MARCHF1: variants seen among roughly 807,000 people sequenced by gnomAD.
MARCHF1 encodes the protein E3 ubiquitin-protein ligase MARCHF1.
MARCHF1 carries 40 observed loss-of-function variants against 54.2 expected under a neutral mutation model. That is an observed-to-expected ratio of 0.74 (90% CI 0.57 to 0.96). The LOEUF is 0.96. MARCHF1 is among the 40% of genes least tolerant of loss of function. MARCHF1 has a pLI of 0.00. For missense variants in MARCHF1, 586 were observed against 656.5 expected, an observed-to-expected ratio of 0.89 and a Z score of 1.17; for synonymous variants, 236 against 236.3, an observed-to-expected ratio of 1.00 and a Z score of 0.01.
chr4:164,177,814 C>G lies in MARCHF1; in HGVS notation c.-322-66152G>C, dbSNP rs1004456487. Among the ~76,000 whole-genome samples, 48 of 150,222 alleles carry G rather than the reference C, an allele frequency of 3.2e-4. No homozygotes were observed. In the South Asian group the frequency reaches 6.5e-3, roughly 20 times the overall value. On this transcript the variant is annotated intron_variant, in intron 1 of 9. Coordinates refer to ENST00000514618, the MANE Select transcript of MARCHF1 (RefSeq NM_001394959.1). ...AGTGTGTGTATGAAAGAGACACACA[C>G]ACACACACACACACACACAGAGAGA... is the stretch of plus-strand genomic sequence containing the variant.
intron 3 of MARCHF1, among the ~76,000 whole-genome samples, chr4:163,864,547 TTAA>T (rs893022521): frequency 6.6e-5 from 10 of 152,018 alleles, no homozygotes. Flanking sequence ...TGCACTTTGG[TTAA>T]TAATAACATA....
At chr4:164,321,156 CAAAT>C (rs1735134232) in intron 1 of MARCHF1, among the ~76,000 whole-genome samples, 1 of 152,088 alleles carries the variant, frequency 6.6e-6, no homozygotes, top group Non-Finnish European at 1.5e-5. Context: ...AAAGTCAAAA[CAAAT>C]AAACACATGC....
intron 1 of MARCHF1, among the ~76,000 whole-genome samples, chr4:164,312,316 T>C: frequency 1.6e-5 from 2 of 125,710 alleles, no homozygotes; most frequent in African/African-American, 5.8e-5. Flanking sequence ...TTATTTTCTT[T>C]TTCTTTTTTT....
intron 2 of MARCHF1, among the ~76,000 whole-genome samples, chr4:164,019,040 T>C (rs1369816561): frequency 6.6e-6 from 1 of 152,228 alleles, no homozygotes; most frequent in Non-Finnish European, 1.5e-5. Flanking sequence ...CTCTGTATCC[T>C]GGGGCTGATT....
At chr4:163,576,949 G>A (rs192402644) in intron 8 of MARCHF1, among the ~76,000 whole-genome samples, 33 of 151,934 alleles carry the variant, frequency 2.2e-4, no homozygotes, top group East Asian at 1.9e-3. Flanking sequence ...TATGTATGTC[G>A]TTACATGTGA....
intron 1 of MARCHF1, among the ~76,000 whole-genome samples, chr4:164,187,296 T>C (rs566583706): frequency 8.5e-5 from 13 of 152,238 alleles, no homozygotes; most frequent in African/African-American, 3.1e-4. Context: ...TCCAGGGTGA[T>C]AGAGAAAGGG....
At chr4:163,806,614 C>T (rs1748231309) in intron 4 of MARCHF1, among the ~76,000 whole-genome samples, 1 of 152,158 alleles carries the variant, frequency 6.6e-6, no homozygotes, top group Non-Finnish European at 1.5e-5. Context: ...GAGGGGTTTA[C>T]TTTCAGGTGG....
intron 1 of MARCHF1, among the ~76,000 whole-genome samples, chr4:164,285,058 G>C (rs185342317): frequency 3.6e-4 from 51 of 142,824 alleles, no homozygotes; most frequent in African/African-American, 1.3e-3. Context: ...TAGGTGTTAA[G>C]TGTAGAAATA....
intron 1 of MARCHF1, among the ~76,000 whole-genome samples, chr4:164,328,739 A>G (rs1735349545): frequency 6.6e-6 from 1 of 152,198 alleles, no homozygotes; most frequent in African/African-American, 2.4e-5. Context: ...CATGTTGCCC[A>G]GGCTGGTCTT....
At chr4:163,639,796 G>A (rs1406038489) in intron 5 of MARCHF1, among the ~76,000 whole-genome samples, 1 of 152,116 alleles carries the variant, frequency 6.6e-6, no homozygotes, top group South Asian at 2.1e-4. Context: ...TAAGGAGGAG[G>A]AGTAAGGACA....
In MARCHF1 at chr4:164,098,613, T is replaced by C. The variant is rs369751709; in HGVS notation, c.-248+12975A>G. ...GATTTGTGTGTCACAACGAAAGTGA[T>C]AGAGCAGCATCACCAATAAATTGGT... On this transcript the variant is annotated intron_variant, in intron 2 of 9. Transcript: ENST00000514618. Among the ~76,000 whole-genome samples, 22 of 152,350 alleles carry C rather than the reference T, an allele frequency of 1.4e-4. 1 individual carries two copies. Among genetic ancestry groups the C allele is most frequent in the East Asian group, 1.4e-3 (7 of 5,184 alleles).
chr4:163,923,426 C>T (rs1385004627), intron 3 of MARCHF1, among the ~76,000 whole-genome samples: 3 of 151,942 alleles, frequency 2.0e-5, no homozygotes, highest in Admixed American at 6.6e-5. Flanking sequence ...AAATAAACTT[C>T]GTTTTCTGTA....
chr4:163,574,209 A>G (rs1269145695), intron 8 of MARCHF1, among the ~76,000 whole-genome samples: 1 of 152,082 alleles, frequency 6.6e-6, no homozygotes, highest in Admixed American at 6.5e-5. Flanking sequence ...GATTCTGGAT[A>G]TTAGCCCTTT....
chr4:163,535,091 C>T (rs1738484188), intron 9 of MARCHF1, among the ~76,000 whole-genome samples: 1 of 151,976 alleles, frequency 6.6e-6, no homozygotes, highest in South Asian at 2.1e-4. Context: ...ACTTTGACAG[C>T]ACTAGTTCCT....
intron 4 of MARCHF1, among the ~76,000 whole-genome samples, chr4:163,762,527 A>G (rs543713515): frequency 1.4e-4 from 21 of 152,258 alleles, no homozygotes; most frequent in Admixed American, 6.5e-4. Context: ...GTGTACACAA[A>G]GAGTTATGTA....
chr4:164,293,370 A>T (rs1163931248), intron 1 of MARCHF1, among the ~76,000 whole-genome samples: 2 of 152,190 alleles, frequency 1.3e-5, no homozygotes, highest in Admixed American at 1.3e-4. Context: ...TCACAAACCC[A>T]TTCCCAAATA....
chr4:164,263,610 TTAA>T (rs1207280034), intron 1 of MARCHF1, among the ~76,000 whole-genome samples: 11 of 139,314 alleles, frequency 7.9e-5, no homozygotes, highest in East Asian at 2.3e-4. Flanking sequence ...GCAGCTCAAC[TTAA>T]TAATAAAAAC....
At chr4:164,243,493 C>A (rs1190811534) in intron 1 of MARCHF1, among the ~76,000 whole-genome samples, 2 of 152,134 alleles carry the variant, frequency 1.3e-5, no homozygotes, top group Non-Finnish European at 2.9e-5. Context: ...GTACCAGCCG[C>A]TGCAAAATCA....
At chr4:163,741,415 T>A (rs1746191672) in intron 4 of MARCHF1, among the ~76,000 whole-genome samples, 1 of 151,632 alleles carries the variant, frequency 6.6e-6, no homozygotes, top group Non-Finnish European at 1.5e-5. Context: ...TGAAACCCCA[T>A]CTCTACCAAA....
Sources: allele counts gnomAD v4.1 joint callset (sites outside exome capture counted in the v4.1 genomes callset), GRCh38; gene constraint gnomAD v4.1.1; transcripts MANE v1.5; gene names NCBI Gene and HGNC (gene_info 2026-07-23, HGNC 2026-07-21).